TXN: variants seen among roughly 807,000 people sequenced by gnomAD.
TXN encodes the protein ADF.
A neutral mutation model predicts 16.5 loss-of-function variants in TXN; 10 were observed. The ratio of observed to expected loss-of-function variants is 0.61; its 90% CI spans 0.37 to 1.03. The LOEUF (loss-of-function observed/expected upper bound fraction) is 1.03, where lower values mean the gene tolerates loss of function less well. Ranked by LOEUF, TXN falls within the 50% of genes least tolerant of loss-of-function variation. TXN has a pLI of 0.01. For missense variants in TXN, 71 were observed against 122.5 expected, an observed-to-expected ratio of 0.58 and a Z score of 1.98; for synonymous variants, 35 against 39.4, an observed-to-expected ratio of 0.89 and a Z score of 0.42.
intron 1 of TXN, 26 bp from the exon 2 acceptor site, chr9:110,251,488 TA>T (rs766604635): frequency 6.3e-5 from 84 of 1,337,140 alleles, no homozygotes; most frequent in Non-Finnish European, 8.6e-5. Context: ...AAGCTTATAT[TA>T]AATAAATAGT....
rs1337234133 is a variant in TXN, at chr9:110,244,001, T to G, written c.*156A>C. 5.6e-6 allele frequency: 2 copies of G among 355,298 alleles called. No individual in the cohort carries two copies. The highest frequency in any genetic ancestry group is 1.0e-5 in the Non-Finnish European group (2 of 191,598). The allele number at this position is 355,298 out of a possible 1,614,324, so 22.0% of individuals were successfully genotyped here. A position where few individuals can be genotyped will look rare whatever the true frequency, so the allele number is the denominator to read the frequency against. On this transcript the variant is annotated 3_prime_UTR_variant, in exon 5 of 5. Coordinates refer to ENST00000374517, the MANE Select transcript of TXN (RefSeq NM_003329.4). ...ATTTCACATTTATTTTGAAAGCTAT[T>G]CAGACATGAGACGGTTTTAAAAAGT...
At chr9:110,251,586 C>CAAAG (rs1837737709) in intron 1 of TXN, 124 bp from the exon 2 acceptor site, 1 of 55,846 alleles carries the variant, frequency 1.8e-5, no homozygotes, top group Non-Finnish European at 3.6e-5. Context: ...ACTTTTTAGC[C>CAAAG]AAAAAAAAAA....
At chr9:110,254,794 CAT>C (rs1355646182) in intron 1 of TXN, among the ~76,000 whole-genome samples, 2 of 152,186 alleles carry the variant, frequency 1.3e-5, no homozygotes, top group Non-Finnish European at 2.9e-5. Flanking sequence ...GGACAACTAA[CAT>C]AGACCACTCA....
At chr9:110,248,003 T>A (rs561350933) in intron 3 of TXN, among the ~76,000 whole-genome samples, 1 of 152,170 alleles carries the variant, frequency 6.6e-6, no homozygotes, top group Non-Finnish European at 1.5e-5. Flanking sequence ...GTTTGAATCT[T>A]AGTTTGTAAC....
chr9:110,245,619 T>A (rs1285643367), intron 3 of TXN, among the ~76,000 whole-genome samples: 5 of 19,114 alleles, frequency 2.6e-4, no homozygotes, highest in Admixed American at 1.3e-3. Context: ...ACACACACAC[T>A]ATATATATAT....
At chr9:110,252,223 C>CAAAAAAAAAAAAAAAAAAAAAAAAA (rs377246017) in intron 1 of TXN, among the ~76,000 whole-genome samples, 2 of 58,424 alleles carry the variant, frequency 3.4e-5, no homozygotes, top group African/African-American at 1.8e-4. Context: ...GACTCTGTCG[C>CAAAAAAAAAAAAAAAAAAAAAAAAA]AAAAAAAAAA....
At chr9:110,246,624 A>G (rs969498825) in intron 3 of TXN, among the ~76,000 whole-genome samples, 1 of 152,164 alleles carries the variant, frequency 6.6e-6, no homozygotes, top group African/African-American at 2.4e-5. Context: ...ACCAACGGAG[A>G]ATTCTCAAGG....
At chr9:110,248,659 T>C (rs1317568598) in intron 3 of TXN, among the ~76,000 whole-genome samples, 1 of 152,224 alleles carries the variant, frequency 6.6e-6, no homozygotes, top group Non-Finnish European at 1.5e-5. Flanking sequence ...CAGTACAGTA[T>C]GGTGCATTGG....
At chr9:110,252,012 T>G in intron 1 of TXN, among the ~76,000 whole-genome samples, 1 of 151,948 alleles carries the variant, frequency 6.6e-6, no homozygotes, top group East Asian at 1.9e-4. Flanking sequence ...GATCACTAGG[T>G]CAGGAGTTCG....
chr9:110,245,642 ATATATATATATAT>A (rs1564367437), intron 3 of TXN, among the ~76,000 whole-genome samples: 2 of 29,648 alleles, frequency 6.7e-5, no homozygotes, highest in Non-Finnish European at 1.1e-4. Flanking sequence ...ATATATATAT[ATATATATATATAT>A]TTTTTTTTTT....
intron 3 of TXN, among the ~76,000 whole-genome samples, chr9:110,245,942 G>C (rs954190427): frequency 2.0e-5 from 3 of 151,972 alleles, no homozygotes; most frequent in African/African-American, 7.3e-5. Context: ...GCACACATCT[G>C]TCATCCCAGC....
chr9:110,245,432 G>A (rs1564367230), intron 3 of TXN, among the ~76,000 whole-genome samples: 1 of 150,222 alleles, frequency 6.7e-6, no homozygotes, highest in East Asian at 2.0e-4. Flanking sequence ...TTGAGACAGG[G>A]TCTGGCTGTG....
intron 1 of TXN, among the ~76,000 whole-genome samples, chr9:110,253,379 C>T (rs1246746292): frequency 1.3e-5 from 2 of 152,108 alleles, no homozygotes; most frequent in African/African-American, 4.8e-5. Flanking sequence ...AGAAGTATAG[C>T]AATTGTTTTT....
intron 3 of TXN, 125 bp from the exon 4 acceptor site, chr9:110,244,968 T>C: frequency 1.6e-6 from 1 of 609,752 alleles, no homozygotes; most frequent in South Asian, 2.1e-5. Flanking sequence ...CATGAGGACA[T>C]TTTTCAGCAT....
intron 3 of TXN, among the ~76,000 whole-genome samples, chr9:110,245,642 ATATATATATATATTTTTTT>A (rs1837644285): frequency 3.4e-5 from 1 of 29,648 alleles, no homozygotes; most frequent in South Asian, 1.4e-3. Context: ...ATATATATAT[ATATATATATATATTTTTTT>A]TTTTTTTTTT....
Position 110,244,858 on chromosome 9 carries a change from A to T in TXN, c.190-15T>A. 1 of 1,608,702 alleles carries T rather than the reference A, an allele frequency of 6.2e-7. No homozygotes were observed. The highest frequency in any genetic ancestry group is 1.3e-5 in the African/African-American group (1 of 74,938). On this transcript the variant is annotated splice_polypyrimidine_tract_variant and intron_variant, in intron 3 of 4. Transcript: ENST00000374517. The stretch of plus-strand genomic sequence containing the variant: ...GAAGCAACATCCTGGTAGGGAAAGT[A>T]GCAAAGGGAGAGGATTAAATACAAG...
chr9:110,245,377 T>C (rs1168266909), intron 3 of TXN, among the ~76,000 whole-genome samples: 2 of 151,466 alleles, frequency 1.3e-5, no homozygotes, highest in Non-Finnish European at 2.9e-5. Context: ...ATAATAGTAA[T>C]CTAAAGGAAT....
At chr9:110,252,881 G>A (rs1397133346) in intron 1 of TXN, among the ~76,000 whole-genome samples, 4 of 152,096 alleles carry the variant, frequency 2.6e-5, no homozygotes, top group Admixed American at 1.3e-4. Context: ...CTGACCTGAA[G>A]TGATCCACCC....
rs1450341419 is a variant in TXN, at chr9:110,244,768, A to C, written c.255+10T>G. The C allele has an allele frequency of 6.2e-7, 1 of 1,609,294 alleles. No individual in the cohort carries two copies. The highest frequency in any genetic ancestry group is 8.5e-7 in the Non-Finnish European group (1 of 1,175,984). ...GCCCAGTTAGAGTTTTAAAGGTCAG[A>C]TGTACGTACCTTTTGTCCCTTCTTA... On this transcript the variant is annotated intron_variant, in intron 4 of 4. Transcript: ENST00000374517.
Sources: gnomAD v4.1 joint callset for allele counts (sites outside exome capture counted in the v4.1 genomes callset) on GRCh38, gnomAD v4.1.1 for gene constraint, MANE v1.5 for transcripts, NCBI Gene and HGNC (gene_info 2026-07-23, HGNC 2026-07-21) for gene names.